FGD5: variants seen among roughly 807,000 people sequenced by gnomAD.
FGD5 encodes the protein FYVE, RhoGEF and PH domain containing 5, also known as FYVE, RhoGEF and PH domain-containing protein 5.
FGD5 carries 28 observed loss-of-function variants against 133.4 expected under a neutral mutation model. That is an observed-to-expected ratio of 0.21 (90% confidence interval 0.16 to 0.29). The LOEUF (loss-of-function observed/expected upper bound fraction) is 0.29. FGD5 is among the 10% of genes least tolerant of loss of function. The pLI, the probability that FGD5 is intolerant of heterozygous loss-of-function variation, is 1.00. For missense variants in FGD5, 1,858 were observed against 1,895.2 expected, an observed-to-expected ratio of 0.98 and a Z score of 0.36; for synonymous variants, 810 against 776.5, an observed-to-expected ratio of 1.04 and a Z score of -0.72.
chr3:14,907,814 C>A, intron 10 of FGD5, 103 bp downstream of exon 10: 2 of 1,209,648 alleles, frequency 1.7e-6, no homozygotes, highest in Non-Finnish European at 2.3e-6. Context: ...GCTGCAGGTG[C>A]TGTCTACCCA....
chr3:14,834,449 G>C (rs979215730), intron 1 of FGD5, among the ~76,000 whole-genome samples: 1 of 152,184 alleles, frequency 6.6e-6, no homozygotes, highest in Non-Finnish European at 1.5e-5. Flanking sequence ...CTGGCAGTTT[G>C]CAAGTGCTCA....
intron 2 of FGD5, among the ~76,000 whole-genome samples, chr3:14,869,760 T>C (rs2037568940): frequency 6.6e-6 from 1 of 152,218 alleles, no homozygotes; most frequent in Admixed American, 6.5e-5. Context: ...CTCTGTAGCA[T>C]GGGTTGGAAT....
chr3:14,840,420 C>T (rs1420630273), intron 1 of FGD5, among the ~76,000 whole-genome samples: 2 of 152,190 alleles, frequency 1.3e-5, no homozygotes, highest in African/African-American at 2.4e-5. Context: ...GCTGGGATTA[C>T]AAGCATGAGC....
Position 14,934,551 on chromosome 3 carries a change from G to A in FGD5, c.*1384G>A, listed in dbSNP as rs908914930. ...CTTTTAAAATGTTTGCATTAAACAT[G>A]TAACTAATGGTTCACACTAAGTGAT... is the stretch of plus-strand genomic sequence containing the variant. On this transcript the variant is annotated 3_prime_UTR_variant, in exon 20 of 20. Transcript: ENST00000285046. The A allele has an allele frequency of 3.9e-5, 6 of 152,132 alleles. No homozygotes were observed. The highest frequency in any genetic ancestry group is 3.9e-4 in the Admixed American group (6 of 15,278). 9.4% of individuals were successfully genotyped at this position (152,132 alleles called of 1,614,324 possible). A position where few individuals can be genotyped will look rare whatever the true frequency, so the allele number is the denominator to read the frequency against.
chr3:14,855,293 C>T (rs2037256381), intron 1 of FGD5, among the ~76,000 whole-genome samples: 1 of 152,164 alleles, frequency 6.6e-6, no homozygotes, highest in Admixed American at 6.5e-5. Flanking sequence ...ATCTCAGCTA[C>T]TGTGAATAGT....
At chr3:14,894,389 G>A (rs376784924) in intron 4 of FGD5, among the ~76,000 whole-genome samples, 4 of 151,746 alleles carry the variant, frequency 2.6e-5, no homozygotes, top group Non-Finnish European at 5.9e-5. Context: ...CCATACTTTA[G>A]TTATTGTGAA....
chr3:14,880,030 C>A (rs764586270), intron 2 of FGD5, among the ~76,000 whole-genome samples: 1 of 152,206 alleles, frequency 6.6e-6, no homozygotes, highest in South Asian at 2.1e-4. Flanking sequence ...GCTCAACAAC[C>A]TTCAGAGTTA....
At position 14,910,910 on chromosome 3, in the gene FGD5, G is replaced by T; in HGVS notation, c.3386G>T (p.Arg1129Leu). 1 of 1,613,040 alleles carries T rather than the reference G, an allele frequency of 6.2e-7. No individual in the cohort carries two copies. The highest frequency in any genetic ancestry group is 8.5e-7 in the Non-Finnish European group (1 of 1,179,480). ...TLMKVTGKNR[R>L]PRHLFLMNDV... The stretch of plus-strand genomic sequence containing the variant: ...ATGAAAGTAACAGGGAAAAACAGAC[G>T]GCCCCGGCACCTATTTCTGGTAAGT... Residue 1129 changes from arginine to leucine, a missense_variant, in exon 11 of 20, where the codon CGG becomes CTG. By Grantham distance (102) the Arg-to-Leu change is moderately radical (BLOSUM62 -2). This residue lies in a region of FGD5 where 1,824 missense variants were observed against 1,848.9 expected (regional missense o/e 0.99). Coordinates refer to ENST00000285046, the MANE Select transcript of FGD5 (RefSeq NM_152536.4).
chr3:14,862,060 T>A (rs2037410081), intron 1 of FGD5, among the ~76,000 whole-genome samples: 1 of 152,122 alleles, frequency 6.6e-6, no homozygotes, highest in Non-Finnish European at 1.5e-5. Context: ...GGGAGGTATT[T>A]GAAGGTAAGC....
At chr3:14,868,648 G>C (rs980401145) in intron 2 of FGD5, among the ~76,000 whole-genome samples, 10 of 152,208 alleles carry the variant, frequency 6.6e-5, no homozygotes, top group Non-Finnish European at 1.5e-4. Flanking sequence ...AAGGGGCTCT[G>C]AACCACAGCC....
chr3:14,913,482 C>T (rs1427085096), intron 11 of FGD5, among the ~76,000 whole-genome samples: 1 of 152,114 alleles, frequency 6.6e-6, no homozygotes, highest in African/African-American at 2.4e-5. Flanking sequence ...AGACCAGATG[C>T]AGACCCCAGA....
chr3:14,912,381 G>A lies in FGD5; in HGVS notation c.3405+1452G>A, dbSNP rs563301192. Among the ~76,000 whole-genome samples the A allele has an allele frequency of 1.1e-3, 165 of 152,290 alleles. 9 individuals carry two copies. Among genetic ancestry groups the A allele is most frequent in the Non-Finnish European group, 8.1e-4 (55 of 68,018 alleles). ...GAGAACCCCTCACTCTGGCTGGTCGGTTCTGCAGTGGGCGAGATTTAGCTG... is the reference window on the plus strand; with the variant it reads ...GAGAACCCCTCACTCTGGCTGGTCGATTCTGCAGTGGGCGAGATTTAGCTG... On this transcript the variant is annotated intron_variant, in intron 11 of 19. Coordinates refer to ENST00000285046, the MANE Select transcript of FGD5 (RefSeq NM_152536.4).
At chr3:14,901,148 C>A in intron 9 of FGD5, 87 bp downstream of exon 9, 1 of 1,374,372 alleles carries the variant, frequency 7.3e-7, no homozygotes, top group South Asian at 1.2e-5. Context: ...ATGCCCCACT[C>A]CTAGGGGCTG....
At chr3:14,928,746 AAAT>A (rs1185848782) in intron 18 of FGD5, among the ~76,000 whole-genome samples, 5 of 152,284 alleles carry the variant, frequency 3.3e-5, no homozygotes, top group South Asian at 4.1e-4. Flanking sequence ...CTGTCTTAAA[AAAT>A]AATAATAATA....
At chr3:14,918,903 A>G in intron 13 of FGD5, 70 bp downstream of exon 13, 1 of 1,511,502 alleles carries the variant, frequency 6.6e-7, no homozygotes, top group Non-Finnish European at 9.2e-7. Context: ...AGAACAACAG[A>G]TAAGGATGTG....
At chr3:14,848,750 C>T (rs915460655) in intron 1 of FGD5, among the ~76,000 whole-genome samples, 4 of 152,166 alleles carry the variant, frequency 2.6e-5, no homozygotes, top group Non-Finnish European at 4.4e-5. Context: ...AGCTTCAGCC[C>T]CATTAGCTTA....
intron 1 of FGD5, among the ~76,000 whole-genome samples, chr3:14,853,408 G>T (rs1476211579): frequency 6.6e-6 from 1 of 152,058 alleles, no homozygotes; most frequent in African/African-American, 2.4e-5. Flanking sequence ...ATTCTCACCA[G>T]CCTGTCTCCT....
chr3:14,814,363 T>C (rs1245474793), upstream of FGD5, among the ~76,000 whole-genome samples: 1 of 152,208 alleles, frequency 6.6e-6, no homozygotes, highest in Non-Finnish European at 1.5e-5. Flanking sequence ...GTGAAAATCC[T>C]CCTGTCCTTC....
intron 1 of FGD5, among the ~76,000 whole-genome samples, chr3:14,832,489 C>T (rs969018050): frequency 1.3e-5 from 2 of 152,188 alleles, no homozygotes; most frequent in Non-Finnish European, 2.9e-5. Flanking sequence ...GTTTCCAGCA[C>T]CCAGGCTCTC....
Sources: allele counts gnomAD v4.1 joint callset (sites outside exome capture counted in the v4.1 genomes callset), GRCh38; gene constraint gnomAD v4.1.1; regional missense constraint gnomAD v4.1.1; transcripts MANE v1.5; gene names NCBI Gene and HGNC (gene_info 2026-07-23, HGNC 2026-07-21).